Variants in THSD7B observed in about 807,000 individuals in gnomAD.
THSD7B encodes the protein thrombospondin type 1 domain containing 7B, also known as thrombospondin type-1 domain-containing protein 7B.
THSD7B carries 138 observed loss-of-function variants against 213.6 expected under a neutral mutation model. The ratio of observed to expected loss-of-function variants is 0.65; its 90% CI spans 0.56 to 0.74. The LOEUF (loss-of-function observed/expected upper bound fraction) is 0.74. Ranked by LOEUF, THSD7B falls within the 30% of genes least tolerant of loss-of-function variation. The pLI is 0.00. For missense variants in THSD7B, 1,931 were observed against 1,991.5 expected, an observed-to-expected ratio of 0.97 and a Z score of 0.58; for synonymous variants, 742 against 687.0, an observed-to-expected ratio of 1.08 and a Z score of -1.25.
chr2:137,595,641 G>A (rs1681944217), intron 17 of THSD7B, among the ~76,000 whole-genome samples: 1 of 151,902 alleles, frequency 6.6e-6, no homozygotes, highest in South Asian at 2.1e-4. Context: ...ACAGAAAATG[G>A]ACTATCTTTT....
chr2:137,404,474 TACACACAC>T (rs1207612144), intron 12 of THSD7B, among the ~76,000 whole-genome samples: 24 of 40,256 alleles, frequency 6.0e-4, no homozygotes, highest in South Asian at 1.5e-3. Flanking sequence ...TATATATATA[TACACACAC>T]ACACACACAC....
chr2:137,156,823 T>C (rs535227688), intron 5 of THSD7B, among the ~76,000 whole-genome samples: 32 of 152,132 alleles, frequency 2.1e-4, no homozygotes, highest in African/African-American at 7.5e-4. Flanking sequence ...GTTGCTCCGG[T>C]TGATTGAGTA....
chr2:137,311,360 C>T (rs1017895003), intron 12 of THSD7B, among the ~76,000 whole-genome samples: 17 of 152,062 alleles, frequency 1.1e-4, no homozygotes, highest in African/African-American at 3.6e-4. Context: ...GATTTTGTAT[C>T]CTGAGACTTT....
intron 15 of THSD7B, among the ~76,000 whole-genome samples, chr2:137,486,130 A>C (rs1688437721): frequency 6.6e-6 from 1 of 152,110 alleles, no homozygotes; most frequent in Admixed American, 6.5e-5. Flanking sequence ...GACAGGATCA[A>C]ATTCACACAT....
intron 1 of THSD7B, among the ~76,000 whole-genome samples, chr2:136,786,009 G>T (rs1344042010): frequency 6.6e-6 from 1 of 152,112 alleles, no homozygotes; most frequent in Non-Finnish European, 1.5e-5. Context: ...TGACACACAA[G>T]GATCAAATAA....
intron 12 of THSD7B, among the ~76,000 whole-genome samples, chr2:137,312,212 A>G (rs900289681): frequency 6.6e-6 from 1 of 152,126 alleles, no homozygotes; most frequent in African/African-American, 2.4e-5. Flanking sequence ...CAGAGATTCA[A>G]CTTCTTCCTG....
intron 1 of THSD7B, among the ~76,000 whole-genome samples, chr2:136,802,596 A>G (rs890218764): frequency 4.3e-5 from 6 of 139,300 alleles, no homozygotes; most frequent in East Asian, 2.2e-4. Context: ...CTGCATGTGT[A>G]CTATTGATTA....
chr2:137,126,832 G>T (rs146899758), intron 5 of THSD7B, among the ~76,000 whole-genome samples: 5 of 152,214 alleles, frequency 3.3e-5, no homozygotes, highest in African/African-American at 1.2e-4. Flanking sequence ...TGAACATGTA[G>T]AAGTCATGGT....
At chr2:137,598,876 TC>T (rs1682018107) in intron 17 of THSD7B, among the ~76,000 whole-genome samples, 1 of 115,334 alleles carries the variant, frequency 8.7e-6, no homozygotes, top group Non-Finnish European at 1.6e-5. Context: ...TCATTTTGGT[TC>T]TTTTTTTTTT....
intron 1 of THSD7B, among the ~76,000 whole-genome samples, chr2:136,805,795 T>C (rs1477893663): frequency 1.3e-5 from 2 of 152,190 alleles, no homozygotes; most frequent in African/African-American, 4.8e-5. Context: ...TTTCCTCACC[T>C]TGTTCATTTT....
chr2:136,910,549 C>T (rs1290427491), intron 2 of THSD7B, among the ~76,000 whole-genome samples: 3 of 151,974 alleles, frequency 2.0e-5, no homozygotes, highest in Admixed American at 6.6e-5. Flanking sequence ...CTTAAGTAGC[C>T]GAAAAATTGA....
intron 2 of THSD7B, among the ~76,000 whole-genome samples, chr2:136,964,751 C>T (rs986259842): frequency 6.6e-6 from 1 of 152,024 alleles, no homozygotes; most frequent in Admixed American, 6.5e-5. Flanking sequence ...ATCTGTAATC[C>T]CAGCACTTTG....
At chr2:137,253,872 TG>T (rs1184855884) in intron 10 of THSD7B, among the ~76,000 whole-genome samples, 1 of 152,196 alleles carries the variant, frequency 6.6e-6, no homozygotes, top group African/African-American at 2.4e-5. Flanking sequence ...TTTGACTCAC[TG>T]GGTTAGCTAA....
intron 2 of THSD7B, among the ~76,000 whole-genome samples, chr2:136,912,979 G>C (rs1357530927): frequency 6.6e-6 from 1 of 152,238 alleles, no homozygotes; most frequent in Non-Finnish European, 1.5e-5. Flanking sequence ...AACAGACAGA[G>C]ATTGGAAGAG....
At chr2:136,998,186 A>C (rs1685928472) in intron 2 of THSD7B, among the ~76,000 whole-genome samples, 1 of 151,084 alleles carries the variant, frequency 6.6e-6, no homozygotes, top group African/African-American at 2.4e-5. Context: ...GGAACCTTGA[A>C]AGCCTATAAT....
At chr2:137,647,094 G>A (rs929104238) in intron 21 of THSD7B, among the ~76,000 whole-genome samples, 5 of 152,286 alleles carry the variant, frequency 3.3e-5, no homozygotes, top group Middle Eastern at 6.8e-3. Context: ...TGGCATGTCT[G>A]ATGCCCAGCT....
At chr2:136,855,846 A>G (rs562469821) in intron 1 of THSD7B, among the ~76,000 whole-genome samples, 1 of 151,888 alleles carries the variant, frequency 6.6e-6, no homozygotes, top group Admixed American at 6.6e-5. Flanking sequence ...TTTTGCTCTC[A>G]AAGACACCAA....
At chr2:137,095,277 C>T (rs1034460451) in intron 4 of THSD7B, among the ~76,000 whole-genome samples, 156 bp downstream of exon 4, 2 of 152,210 alleles carry the variant, frequency 1.3e-5, no homozygotes, top group African/African-American at 4.8e-5. Flanking sequence ...GGGTTAAGAT[C>T]ATGGGCTTTG....
chr2:137,538,780 A>G (rs1004316267), intron 15 of THSD7B, among the ~76,000 whole-genome samples: 11 of 151,838 alleles, frequency 7.2e-5, no homozygotes, highest in Middle Eastern at 3.4e-3. Context: ...GAAGAAAACA[A>G]TGCTCTGAGA....
Sources: allele counts gnomAD v4.1 joint callset (sites outside exome capture counted in the v4.1 genomes callset), GRCh38; gene constraint gnomAD v4.1.1; transcripts MANE v1.5; gene names NCBI Gene and HGNC (gene_info 2026-07-23, HGNC 2026-07-21).